The following ZNF646 variants were observed in gnomAD, a reference collection of about 807,000 sequenced individuals.
ZNF646 encodes the protein zinc finger protein 646.
A neutral mutation model predicts 115.4 loss-of-function variants in ZNF646; 49 were observed. That is an observed-to-expected ratio of 0.42 (90% CI 0.34 to 0.54). The LOEUF (loss-of-function observed/expected upper bound fraction) is 0.54, where lower values mean the gene tolerates loss of function less well. ZNF646 is among the 20% of genes least tolerant of loss of function. The pLI is 0.04. For missense variants in ZNF646, 2,269 were observed against 2,457.9 expected, an observed-to-expected ratio of 0.92 and a Z score of 1.62; for synonymous variants, 933 against 939.0, an observed-to-expected ratio of 0.99 and a Z score of 0.12.
upstream of ZNF646, chr16:31,073,465 G>C (rs1205804971): frequency 2.0e-5 from 3 of 152,164 alleles, no homozygotes; most frequent in African/African-American, 7.2e-5. Flanking sequence ...GAACCGCGGA[G>C]ACAGCCGGCG....
chr16:31,075,727 C>T (rs956781005), intron 1 of ZNF646, among the ~76,000 whole-genome samples: 1 of 152,218 alleles, frequency 6.6e-6, no homozygotes, highest in Admixed American at 6.5e-5. Flanking sequence ...AACCTCTCCT[C>T]TCAGGTCCTC....
Position 31,076,342 on chromosome 16 carries a change from C to T in ZNF646, c.18C>T (p.Pro6=), listed in dbSNP as rs1436855509. Residue 6 remains proline (P), a synonymous_variant, in exon 2 of 3, where the codon CCC becomes CCT. Transcript: ENST00000300850. ...GTTGCCCCATGGAGGACACACCCCC[C>T]TCACTCAGCTGCTCCGACTGTCAGC... is the stretch of plus-strand genomic sequence containing the variant. The part of the protein sequence containing the change: MEDTP[P]SLSCSDCQRH... 1 of 1,611,440 alleles carries T rather than the reference C, an allele frequency of 6.2e-7. No homozygotes were observed. Among genetic ancestry groups the T allele is most frequent in the African/African-American group, 1.3e-5 (1 of 74,862 alleles).
rs550746747 is a variant in ZNF646, at chr16:31,076,872, G to C, written c.548G>C (p.Gly183Ala). The change falls in exon 2 of 3, where the codon GGT becomes GCT. Residue 183 changes from glycine (G) to alanine (A), a missense_variant. Coordinates refer to ENST00000300850, the MANE Select transcript of ZNF646 (RefSeq NM_014699.4). ...GCAAGCCACCCAGGTCCTGAGGATGGTGCAGACGGCTGGGGACCCTCCACT... is the reference window on the plus strand; with the variant it reads ...GCAAGCCACCCAGGTCCTGAGGATGCTGCAGACGGCTGGGGACCCTCCACT... ...GLASHPGPED[G>A]ADGWGPSTNS... 1.2e-6 allele frequency: 2 copies of C among 1,614,138 alleles called. No homozygotes were observed. Among genetic ancestry groups the C allele is most frequent in the Admixed American group, 1.7e-5 (1 of 60,032 alleles).
chr16:31,080,056 C>A lies in ZNF646; in HGVS notation c.3732C>A (p.Ser1244=), dbSNP rs1219325141. The part of the protein sequence containing the change: ...ACSKGFSNLM[S]LKNHRRIHAD... ...CCAAGGGCTTCTCAAACCTCATGTC[C>A]CTCAAGAACCACCGGCGCATCCATG... Residue 1244 remains serine, a synonymous_variant, in exon 2 of 3, where the codon TCC becomes TCA. Coordinates refer to ENST00000300850, the MANE Select transcript of ZNF646 (RefSeq NM_014699.4). The A allele has an allele frequency of 6.2e-7, 1 of 1,611,558 alleles. No homozygotes were observed. The highest frequency in any genetic ancestry group is 8.5e-7 in the Non-Finnish European group (1 of 1,178,558).
intron 2 of ZNF646, 100 bp from the exon 3 acceptor site, chr16:31,082,871 C>T (rs746670465): frequency 2.1e-5 from 31 of 1,470,244 alleles, no homozygotes; most frequent in East Asian, 8.1e-5. Flanking sequence ...TCTGGGCCTC[C>T]GGGGCCAGGG....
At position 31,076,429 on chromosome 16, in the gene ZNF646, C is replaced by T. The variant is rs758690625; in HGVS notation, c.105C>T (p.Asn35=). Residue 35 remains asparagine (N), a synonymous_variant, in exon 2 of 3, where the codon AAC becomes AAT. Coordinates refer to ENST00000300850, the MANE Select transcript of ZNF646 (RefSeq NM_014699.4). ...RHRELLHPSP[N]QDSEEADSIP... is the part of the protein sequence containing the mutation. ...GAGAACTGCTCCATCCATCTCCCAA[C>T]CAGGACAGTGAGGAGGCTGACAGCA... is the stretch of plus-strand genomic sequence containing the variant. The T allele has an allele frequency of 4.3e-6, 7 of 1,613,994 alleles. No individual in the cohort carries two copies. Among genetic ancestry groups the T allele is most frequent in the Non-Finnish European group, 5.9e-6 (7 of 1,180,018 alleles).
At position 31,081,390 on chromosome 16, in the gene ZNF646, C is replaced by G; in HGVS notation, c.5066C>G (p.Ala1689Gly). 1 of 1,611,724 alleles carries G rather than the reference C, an allele frequency of 6.2e-7. No homozygotes were observed. Residue 1689 changes from alanine (A) to glycine (G), a missense_variant, in exon 2 of 3, where the codon GCT (alanine) becomes GGT (glycine). Around this residue, in one of 5 missense-constraint regions of ZNF646, gnomAD observed 1,062 missense variants for 1,172.8 expected, o/e 0.91. Transcript: ENST00000300850. Reference sequence around the variant, plus strand: ...CAGTGCGGGCGCTCCTACCGCCATGCTGGCAGCCTGCTGAACCACCAGAAG... The same window carrying G: ...CAGTGCGGGCGCTCCTACCGCCATGGTGGCAGCCTGCTGAACCACCAGAAG... ...CTQCGRSYRH[A>G]GSLLNHQKAH... is the part of the protein sequence containing the mutation.
Position 31,081,776 on chromosome 16 carries a change from G to A in ZNF646, c.5377+75G>A, listed in dbSNP as rs188308708. The stretch of plus-strand genomic sequence containing the variant: ...GAAGTCCAGCCCCAAAGTCGGTGGG[G>A]GAGCAAGGAGTGAGAGGAGAGAGCC... On this transcript the variant is annotated intron_variant, in intron 2 of 2. Coordinates refer to ENST00000300850, the MANE Select transcript of ZNF646 (RefSeq NM_014699.4). The A allele has an allele frequency of 2.0e-5, 30 of 1,471,498 alleles. No individual in the cohort carries two copies. The East Asian group carries it at 6.1e-4, about 30-fold the overall frequency. 91.2% of individuals were successfully genotyped at this position (1,471,498 alleles called of 1,614,324 possible).
Position 31,081,023 on chromosome 16 carries a change from T to C in ZNF646, c.4699T>C (p.Leu1567=). 4.3e-6 allele frequency: 7 copies of C among 1,614,028 alleles called. No homozygotes were observed. The highest frequency in any genetic ancestry group is 5.9e-6 in the Non-Finnish European group (7 of 1,180,034). ...HYCLLCSKEF[L]NPVATKSHSH... ...TTGCCTGCTCTGCTCCAAGGAGTTC[T>C]TAAATCCTGTGGCCACAAAGAGCCA... The change falls in exon 2 of 3, where the codon TTA becomes CTA. Residue 1567 remains leucine (L), a synonymous_variant. Transcript: ENST00000300850.
Position 31,081,363 on chromosome 16 carries a change from C to G in ZNF646, c.5039C>G (p.Thr1680Ser). The G allele has an allele frequency of 6.2e-7, 1 of 1,613,710 alleles. No individual in the cohort carries two copies. Reference protein sequence around the residue: ...AEDKERPFRCTQCGRSYRHAG... With the variant: ...AEDKERPFRCSQCGRSYRHAG... The stretch of plus-strand genomic sequence containing the variant: ...GACAAGGAGCGGCCCTTCCGCTGCA[C>G]CCAGTGCGGGCGCTCCTACCGCCAT... The change falls in exon 2 of 3, where the codon ACC (threonine) becomes AGC (serine). Residue 1680 changes from threonine (T) to serine (S), a missense_variant. Transcript: ENST00000300850.
In ZNF646 at chr16:31,078,817, C is replaced by T. The variant is rs754492709; in HGVS notation, c.2493C>T (p.Pro831=). The change falls in exon 2 of 3, where the codon CCC becomes CCT. Residue 831 remains proline (P), a synonymous_variant. Transcript: ENST00000300850. The part of the protein sequence containing the change: ...HTCSDCGHSF[P]HATGLLSHRP... ...GCTCTGACTGTGGGCATTCTTTCCCCCATGCCACTGGCCTGCTGAGCCACA... is the reference window on the plus strand; with the variant it reads ...GCTCTGACTGTGGGCATTCTTTCCCTCATGCCACTGGCCTGCTGAGCCACA... 1.2e-5 allele frequency: 19 copies of T among 1,613,958 alleles called. No individual in the cohort carries two copies. Among genetic ancestry groups the T allele is most frequent in the Admixed American group, 1.7e-5 (1 of 60,014 alleles).
In ZNF646 at chr16:31,076,755, C is replaced by T; in HGVS notation, c.431C>T (p.Thr144Ile). 1 of 1,613,824 alleles carries T rather than the reference C, an allele frequency of 6.2e-7. No individual in the cohort carries two copies. ...SEGWENQTKH[T>I]EETPDCESVP... ...GGCTGGGAAAACCAGACAAAACATACAGAAGAGACACCTGACTGTGAATCT... is the reference window on the plus strand; with the variant it reads ...GGCTGGGAAAACCAGACAAAACATATAGAAGAGACACCTGACTGTGAATCT... Residue 144 changes from threonine (T) to isoleucine (I), a missense_variant, in exon 2 of 3, where the codon ACA (threonine) becomes ATA (isoleucine). Coordinates refer to ENST00000300850, the MANE Select transcript of ZNF646 (RefSeq NM_014699.4).
In ZNF646 at chr16:31,080,551, C is replaced by A. The variant is rs1481792655; in HGVS notation, c.4227C>A (p.Asn1409Lys). The change falls in exon 2 of 3, where the codon AAC (asparagine) becomes AAA (lysine). Residue 1409 changes from asparagine (N) to lysine (K), a missense_variant. Transcript: ENST00000300850. ...ATGGCACAGCGGCCAGTGAGGCGAA[C>A]CTGACTGGCAGCCAGGGACTAGAGA... ...GLDGTAASEA[N>K]LTGSQGLETQ... 3.1e-6 allele frequency: 5 copies of A among 1,613,962 alleles called. No individual in the cohort carries two copies. The highest frequency in any genetic ancestry group is 4.2e-6 in the Non-Finnish European group (5 of 1,180,042).
chr16:31,072,998 C>G (rs892206088), upstream of ZNF646: 10 of 152,254 alleles, frequency 6.6e-5, no homozygotes, highest in African/African-American at 2.2e-4. Flanking sequence ...AATGGGGTCC[C>G]TTAAGTTTGT....
At position 31,077,284 on chromosome 16, in the gene ZNF646, G is replaced by A. The variant is rs1316660173; in HGVS notation, c.960G>A (p.Arg320=). ...LEHQQSHEGE[R]QEPRWEEKGM... ...ACCAGCAGTCCCATGAGGGTGAAAG[G>A]CAGGAGCCACGCTGGGAGGAGAAAG... The change falls in exon 2 of 3, where the codon AGG becomes AGA. Residue 320 remains arginine (R), a synonymous_variant. Transcript: ENST00000300850. 6.2e-7 allele frequency: 1 copy of A among 1,614,044 alleles called. No homozygotes were observed. The highest frequency in any genetic ancestry group is 8.5e-7 in the Non-Finnish European group (1 of 1,180,018).
In ZNF646 at chr16:31,078,208, C is replaced by G. The variant is rs1216561864; in HGVS notation, c.1884C>G (p.His628Gln). ...ACRDCGKSYR[H>Q]SGSLINHRQT... The stretch of plus-strand genomic sequence containing the variant: ...GAGACTGTGGAAAGAGCTATCGCCA[C>G]TCAGGCAGCCTTATCAACCACAGGC... The change falls in exon 2 of 3, where the codon CAC becomes CAG. Residue 628 changes from histidine (H) to glutamine (Q), a missense_variant. Around this residue, in one of 5 missense-constraint regions of ZNF646, gnomAD observed 852 missense variants for 900.2 expected, o/e 0.95. Transcript: ENST00000300850. 6.2e-7 allele frequency: 1 copy of G among 1,614,106 alleles called. No homozygotes were observed. The highest frequency in any genetic ancestry group is 8.5e-7 in the Non-Finnish European group (1 of 1,180,042).
rs1335369158 is a variant in ZNF646, at chr16:31,078,216, G to C, written c.1892G>C (p.Ser631Thr). 1 of 1,614,104 alleles carries C rather than the reference G, an allele frequency of 6.2e-7. No homozygotes were observed. Among genetic ancestry groups the C allele is most frequent in the Non-Finnish European group, 8.5e-7 (1 of 1,180,050 alleles). ...GGAAAGAGCTATCGCCACTCAGGCAGCCTTATCAACCACAGGCAGACCCAC... is the reference window on the plus strand; with the variant it reads ...GGAAAGAGCTATCGCCACTCAGGCACCCTTATCAACCACAGGCAGACCCAC... ...DCGKSYRHSG[S>T]LINHRQTHQT... The change falls in exon 2 of 3, where the codon AGC (serine) becomes ACC (threonine). Residue 631 changes from serine to threonine, a missense_variant. By Grantham distance (58) the Ser-to-Thr change is moderately conservative. Coordinates refer to ENST00000300850, the MANE Select transcript of ZNF646 (RefSeq NM_014699.4).
Position 31,083,400 on chromosome 16 carries a change from GA to G in ZNF646, c.*309del. 1 of 1,227,766 alleles carries G rather than the reference GA, an allele frequency of 8.1e-7. No individual in the cohort carries two copies. Among genetic ancestry groups the G allele is most frequent in the Non-Finnish European group, 1.1e-6 (1 of 941,870 alleles). 76.1% of individuals were successfully genotyped at this position (1,227,766 alleles called of 1,614,324 possible). A position where few individuals can be genotyped will look rare whatever the true frequency, so the allele number is the denominator to read the frequency against. ...CGGTGGGAAAGTTGCCTGTGGAAGG[GA>G]GCCTTTTGCTACAATTTGTAACTTA... On this transcript the variant is annotated 3_prime_UTR_variant, in exon 3 of 3. Transcript: ENST00000300850.
At position 31,082,666 on chromosome 16, in the gene ZNF646, C is replaced by T. The variant is rs573105384; in HGVS notation, c.5378-305C>T. ...AGGCGGACCCATTCCATCTAGTGGC[C>T]ACCGAGGGTGGGTGGCCCTGAGATG... is the stretch of plus-strand genomic sequence containing the variant. On this transcript the variant is annotated intron_variant, in intron 2 of 2. Transcript: ENST00000300850. The T allele has an allele frequency of 7.2e-5, 29 of 400,828 alleles. No homozygotes were observed. In the South Asian group the frequency reaches 8.7e-4, roughly 12 times the overall value. The allele number at this position is 400,828 out of a possible 1,614,324, so 24.8% of individuals were successfully genotyped here.
Sources: gnomAD v4.1 joint callset for allele counts (sites outside exome capture counted in the v4.1 genomes callset) on GRCh38, gnomAD v4.1.1 for gene constraint, gnomAD v4.1.1 regional missense constraint, MANE v1.5 for transcripts, NCBI Gene and HGNC (gene_info 2026-07-23, HGNC 2026-07-21) for gene names.